Variants in SDK1 observed in about 807,000 individuals in gnomAD.
SDK1 encodes the protein protein sidekick-1.
Under a neutral mutation model 245.5 loss-of-function variants are expected in SDK1, and 157 were observed. The observed-to-expected ratio is 0.64, with a 90% confidence interval of 0.56 to 0.73. SDK1 has a LOEUF of 0.73. Among genes scored for constraint, SDK1 ranks in the 30% least tolerant of loss-of-function variants. SDK1 has a pLI of 0.00. For synonymous variants in SDK1, 1,647 were observed against 1,278.5 expected (o/e 1.29, Z -6.15); for missense variants, 3,583 against 3,002.3 (o/e 1.19, Z -4.52).
chr7:4,116,934 A>G (rs1257211249), intron 25 of SDK1, among the ~76,000 whole-genome samples: 1 of 152,164 alleles, frequency 6.6e-6, no homozygotes, highest in Non-Finnish European at 1.5e-5. Flanking sequence ...TGAAGCTTTC[A>G]TTACGTTCCA....
chr7:3,335,490 G>C (rs892022582), intron 1 of SDK1, among the ~76,000 whole-genome samples: 1 of 149,022 alleles, frequency 6.7e-6, no homozygotes, highest in Non-Finnish European at 1.5e-5. Flanking sequence ...TGCTTCTTGT[G>C]TTATCTTTTC....
At chr7:3,410,313 C>G (rs899066347) in intron 1 of SDK1, among the ~76,000 whole-genome samples, 1 of 152,190 alleles carries the variant, frequency 6.6e-6, no homozygotes, top group South Asian at 2.1e-4. Flanking sequence ...AAGTTAGCTT[C>G]AGGCTGTGTG....
intron 38 of SDK1, among the ~76,000 whole-genome samples, chr7:4,211,179 C>T (rs533294520): frequency 2.6e-5 from 4 of 152,308 alleles, no homozygotes; most frequent in East Asian, 1.9e-4. Flanking sequence ...AAGAAGCTAT[C>T]GTTCATCTCC....
At chr7:3,632,306 A>G (rs566357181) in intron 2 of SDK1, among the ~76,000 whole-genome samples, 2 of 152,334 alleles carry the variant, frequency 1.3e-5, no homozygotes, top group South Asian at 4.1e-4. Flanking sequence ...TCCCCAAAGC[A>G]TTGTTTATTT....
intron 4 of SDK1, among the ~76,000 whole-genome samples, chr7:3,683,944 C>G (rs1004498456): frequency 2.0e-5 from 3 of 152,206 alleles, no homozygotes; most frequent in South Asian, 4.1e-4. Flanking sequence ...TGCAGCCACA[C>G]AGGAATGAGA....
At chr7:3,933,367 C>A (rs971523076) in intron 5 of SDK1, among the ~76,000 whole-genome samples, 4 of 152,164 alleles carry the variant, frequency 2.6e-5, no homozygotes, top group Non-Finnish European at 2.9e-5. Context: ...CCTGCCTCAG[C>A]CTCCCATAAT....
chr7:3,404,012 G>T (rs925996163), intron 1 of SDK1, among the ~76,000 whole-genome samples: 1 of 150,972 alleles, frequency 6.6e-6, no homozygotes, highest in Non-Finnish European at 1.5e-5. Context: ...TATAAAAGTT[G>T]TGTTTATGCT....
At chr7:3,375,592 C>T (rs572172005) in intron 1 of SDK1, among the ~76,000 whole-genome samples, 1 of 152,134 alleles carries the variant, frequency 6.6e-6, no homozygotes, top group African/African-American at 2.4e-5. Flanking sequence ...TCTTGTGCTC[C>T]CTTGCATCAT....
intron 1 of SDK1, among the ~76,000 whole-genome samples, chr7:3,562,092 C>G (rs1029368196): frequency 1.3e-5 from 2 of 152,216 alleles, no homozygotes; most frequent in African/African-American, 4.8e-5. Context: ...CACGCCTTGT[C>G]TCTACAATGT....
chr7:3,359,420 C>T (rs1330175761), intron 1 of SDK1, among the ~76,000 whole-genome samples: 1 of 152,048 alleles, frequency 6.6e-6, no homozygotes, highest in Non-Finnish European at 1.5e-5. Context: ...GAAATATGGC[C>T]AATATCTTAG....
At chr7:4,250,517 G>T (rs1268089724) in intron 44 of SDK1, among the ~76,000 whole-genome samples, 1 of 151,944 alleles carries the variant, frequency 6.6e-6, no homozygotes, top group Non-Finnish European at 1.5e-5. Flanking sequence ...CTGATTTTTG[G>T]TATTTTTATT....
intron 35 of SDK1, among the ~76,000 whole-genome samples, chr7:4,200,910 C>A (rs981261415): frequency 2.6e-5 from 4 of 152,248 alleles, no homozygotes; most frequent in Non-Finnish European, 4.4e-5. Flanking sequence ...TTGCCATGCC[C>A]ATGCATTACA....
intron 4 of SDK1, among the ~76,000 whole-genome samples, chr7:3,671,808 C>G (rs915009979): frequency 6.6e-6 from 1 of 152,130 alleles, no homozygotes; most frequent in African/African-American, 2.4e-5. Context: ...AATTATAACG[C>G]CAGTGGGAAA....
At chr7:4,000,812 G>A (rs73040444) in intron 14 of SDK1, among the ~76,000 whole-genome samples, 7,980 of 152,200 alleles carry the variant, frequency 0.052, 287 homozygotes, top group Middle Eastern at 0.1. Context: ...ATTTTAGCTC[G>A]TCTTTCTTTG....
chr7:4,111,794 G>A (rs1783367956), intron 23 of SDK1, among the ~76,000 whole-genome samples: 1 of 152,228 alleles, frequency 6.6e-6, no homozygotes, highest in Non-Finnish European at 1.5e-5. Context: ...AAATGTATAT[G>A]TGCATACTTG....
At chr7:3,675,824 T>A (rs1783874692) in intron 4 of SDK1, among the ~76,000 whole-genome samples, 2 of 152,210 alleles carry the variant, frequency 1.3e-5, no homozygotes, top group Admixed American at 1.3e-4. Flanking sequence ...ATGCCCCGTA[T>A]GTCTTCTTTT....
At position 3,961,427 on chromosome 7, in the gene SDK1, C is replaced by T. The variant is rs759462342; in HGVS notation, c.1235-1230C>T. On this transcript the variant is annotated intron_variant, in intron 8 of 44. Coordinates refer to ENST00000404826, the MANE Select transcript of SDK1 (RefSeq NM_152744.4). ...AGTCGACATCTCACACCTACCCACA[C>T]GCCATCTTAAATCAAGGGATTTTGG... is the stretch of plus-strand genomic sequence containing the variant. Among the ~76,000 whole-genome samples the T allele has an allele frequency of 9.9e-4, 151 of 152,332 alleles. No homozygotes were observed. The Middle Eastern group carries it at 0.017, about 17-fold the overall frequency.
chr7:4,180,348 GCA>G (rs1782525917), intron 35 of SDK1, among the ~76,000 whole-genome samples: 1 of 150,406 alleles, frequency 6.6e-6, no homozygotes, highest in Non-Finnish European at 1.5e-5. Flanking sequence ...TCTATGCCCA[GCA>G]CCCGGCTCCA....
intron 4 of SDK1, among the ~76,000 whole-genome samples, chr7:3,661,682 C>T (rs1033479445): frequency 1.3e-5 from 2 of 152,132 alleles, no homozygotes; most frequent in African/African-American, 4.8e-5. Context: ...TTTTTAACAT[C>T]TTCAGGAATA....
Sources: gnomAD v4.1 joint callset for allele counts (sites outside exome capture counted in the v4.1 genomes callset) on GRCh38, gnomAD v4.1.1 for gene constraint, MANE v1.5 for transcripts, NCBI Gene and HGNC (gene_info 2026-07-23, HGNC 2026-07-21) for gene names.